The following COL13A1 variants were observed in gnomAD, a reference collection of about 807,000 sequenced individuals.
COL13A1 encodes the protein collagen alpha-1(XIII) chain.
Under a neutral mutation model 130.9 loss-of-function variants are expected in COL13A1, and 89 were observed. The observed-to-expected ratio is 0.68, with a 90% CI of 0.57 to 0.81. The LOEUF (loss-of-function observed/expected upper bound fraction) is 0.81, where lower values mean the gene tolerates loss of function less well. Ranked by LOEUF, COL13A1 falls within the 30% of genes least tolerant of loss-of-function variation. COL13A1 has a pLI of 0.00. For missense variants in COL13A1, 879 were observed against 934.6 expected (o/e 0.94, Z 0.78); for synonymous variants, 402 against 341.6 (o/e 1.18, Z -1.95).
At chr10:69,824,642 C>T (rs757583312) in intron 2 of COL13A1, among the ~76,000 whole-genome samples, 1 of 152,072 alleles carries the variant, frequency 6.6e-6, no homozygotes, top group Non-Finnish European at 1.5e-5. Flanking sequence ...GGAGGAAACA[C>T]CATGGGGAGA....
intron 1 of COL13A1, among the ~76,000 whole-genome samples, chr10:69,816,596 C>T (rs969194122): frequency 1.3e-5 from 2 of 152,052 alleles, no homozygotes; most frequent in Non-Finnish European, 2.9e-5. Context: ...CTGTGACTTC[C>T]AACATTTAGA....
At chr10:69,880,113 T>A (rs2134297273) in intron 6 of COL13A1, among the ~76,000 whole-genome samples, 1 of 152,040 alleles carries the variant, frequency 6.6e-6, no homozygotes, top group Non-Finnish European at 1.5e-5. Context: ...CTCCCCTCTC[T>A]CCCTGTGTCT....
Position 69,924,963 on chromosome 10 carries a change from G to C in COL13A1, c.1285G>C (p.Gly429Arg). The C allele has an allele frequency of 6.3e-7, 1 of 1,589,816 alleles. No homozygotes were observed. The highest frequency in any genetic ancestry group is 8.6e-7 in the Non-Finnish European group (1 of 1,168,638). The change falls in exon 25 of 41, where the codon GGG (glycine) becomes CGG (arginine). Residue 429 changes from glycine (G) to arginine (R), a missense_variant and splice_region_variant. Physicochemically the swap from Gly to Arg is moderately radical, Grantham distance 125 (BLOSUM62 -2). Transcript: ENST00000645393. Reference protein sequence around the residue: ...VGPPGQPGDKGERGAAGEQGP... With the variant: ...VGPPGQPGDKRERGAAGEQGP... Reference sequence around the variant, plus strand: ...TTGCTCCAATTTTGTCATGCAACAGGGGGAGCGTGGAGCAGCTGGAGAACA... The same window carrying C: ...TTGCTCCAATTTTGTCATGCAACAGCGGGAGCGTGGAGCAGCTGGAGAACA...
intron 21 of COL13A1, 89 bp downstream of exon 21, chr10:69,919,816 G>A (rs1403753105): frequency 4.5e-5 from 18 of 398,242 alleles, no homozygotes; most frequent in Non-Finnish European, 7.5e-5. Flanking sequence ...CTGGTGTGTC[G>A]CCTGCAGCGT....
At position 69,930,543 on chromosome 10, in the gene COL13A1, A is replaced by T; in HGVS notation, c.1674A>T (p.Ala558=). ...EKGEKGETGQ[A]GSPGEKGEAG... is the part of the protein sequence containing the mutation. ...GGGAAAAAGGGGAGACAGGACAAGC[A>T]GGCTCACCGGTGAGTGGCAGGGCTG... The change falls in exon 30 of 41, where the codon GCA becomes GCT. Residue 558 remains alanine, a synonymous_variant. Coordinates refer to ENST00000645393, the MANE Select transcript of COL13A1 (RefSeq NM_001368882.1). The T allele has an allele frequency of 6.2e-7, 1 of 1,613,280 alleles. No individual in the cohort carries two copies. The highest frequency in any genetic ancestry group is 8.5e-7 in the Non-Finnish European group (1 of 1,179,604).
chr10:69,817,402 A>T (rs1844847695), intron 1 of COL13A1, among the ~76,000 whole-genome samples: 1 of 151,406 alleles, frequency 6.6e-6, no homozygotes, highest in Non-Finnish European at 1.5e-5. Context: ...TCTCAAGGTC[A>T]TCAGTTGACA....
chr10:69,847,432 C>G (rs1441988788), intron 2 of COL13A1, among the ~76,000 whole-genome samples: 1 of 152,232 alleles, frequency 6.6e-6, no homozygotes, highest in African/African-American at 2.4e-5. Context: ...CTGTAAACAT[C>G]TCTTGCAGGA....
At chr10:69,879,288 A>G (rs1252912487) in intron 6 of COL13A1, 1 of 152,264 alleles carries the variant, frequency 6.6e-6, no homozygotes, top group African/African-American at 2.4e-5. Flanking sequence ...TAAACTGCCT[A>G]GGAGAAAGAC....
chr10:69,952,444 T>A (rs1422709438), intron 38 of COL13A1, among the ~76,000 whole-genome samples: 1 of 152,190 alleles, frequency 6.6e-6, no homozygotes, highest in Non-Finnish European at 1.5e-5. Context: ...CAAAATCACC[T>A]TGCCTCCTAA....
chr10:69,826,306 C>A (rs1039590311), intron 2 of COL13A1, among the ~76,000 whole-genome samples: 1 of 152,172 alleles, frequency 6.6e-6, no homozygotes, highest in Admixed American at 6.5e-5. Flanking sequence ...GAATGGCTAG[C>A]TCAGCTGCTG....
intron 1 of COL13A1, among the ~76,000 whole-genome samples, chr10:69,812,290 C>T (rs1430833047): frequency 1.3e-5 from 2 of 151,252 alleles, no homozygotes; most frequent in African/African-American, 4.9e-5. Context: ...GACTCTGGAA[C>T]CCGATTGCTG....
At chr10:69,881,807 A>G (rs1294047025) in intron 7 of COL13A1, among the ~76,000 whole-genome samples, 2 of 152,218 alleles carry the variant, frequency 1.3e-5, no homozygotes, top group East Asian at 1.9e-4. Context: ...ACTCCATGAC[A>G]TAGGGACTGT....
Position 69,902,794 on chromosome 10 carries a change from G to T in COL13A1, c.797G>T (p.Gly266Val). The change falls in exon 15 of 41, where the codon GGC (glycine) becomes GTC (valine). Residue 266 changes from glycine (G) to valine (V), a missense_variant. Gly to Val is a moderately radical substitution (Grantham distance 109). This residue lies in a region of COL13A1 where 715 missense variants were observed against 721.0 expected (regional missense o/e 0.99). Transcript: ENST00000645393. ...ATCCAAGGTCCACCAGGGCCCCCAG[G>T]CCCCCCTGGACCAAGTGGACCTCTG... ...ASIQGPPGPP[G>V]PPGPSGPLGH... 1.3e-6 allele frequency: 2 copies of T among 1,554,128 alleles called. No homozygotes were observed. The highest frequency in any genetic ancestry group is 1.7e-6 in the Non-Finnish European group (2 of 1,148,562).
chr10:69,838,853 C>T lies in COL13A1; in HGVS notation c.364+16415C>T, dbSNP rs542227545. On this transcript the variant is annotated intron_variant, in intron 2 of 40. Transcript: ENST00000645393. ...GTGGCCCTGAGTCTCTGGGCCTCAG[C>T]TCCCATTTTGTAAAATGAGCCTGAG... Among the ~76,000 whole-genome samples, 54 of 152,380 alleles carry T rather than the reference C, an allele frequency of 3.5e-4. No homozygotes were observed. In the South Asian group the frequency reaches 0.011, roughly 31 times the overall value.
chr10:69,898,891 C>A, intron 14 of COL13A1, 129 bp downstream of exon 14: 2 of 645,624 alleles, frequency 3.1e-6, no homozygotes, highest in Non-Finnish European at 5.2e-6. Context: ...AATAGGCCCA[C>A]GTATACCATA....
chr10:69,823,842 G>A (rs1238817990), intron 2 of COL13A1, among the ~76,000 whole-genome samples: 4 of 152,196 alleles, frequency 2.6e-5, no homozygotes, highest in Non-Finnish European at 5.9e-5. Context: ...GTCTGGGAAA[G>A]CTTTCAGGAG....
intron 1 of COL13A1, among the ~76,000 whole-genome samples, chr10:69,809,720 T>C (rs2132201945): frequency 6.6e-6 from 1 of 152,362 alleles, no homozygotes; most frequent in South Asian, 2.1e-4. Flanking sequence ...CCAGAGGCAG[T>C]GTTTACTGAA....
intron 17 of COL13A1, among the ~76,000 whole-genome samples, chr10:69,913,298 C>G (rs1394509039): frequency 2.0e-5 from 3 of 152,158 alleles, no homozygotes; most frequent in Non-Finnish European, 2.9e-5. Context: ...GCTGAGAGCC[C>G]CCAGGGGAAC....
rs755387933 is a variant in COL13A1, at chr10:69,895,574, C to T, written c.682C>T (p.Arg228Trp). 19 of 1,613,760 alleles carry T rather than the reference C, an allele frequency of 1.2e-5. No homozygotes were observed. Among genetic ancestry groups the T allele is most frequent in the Middle Eastern group, 1.6e-4 (1 of 6,084 alleles). Residue 228 changes from arginine to tryptophan, a missense_variant and splice_region_variant, in exon 13 of 41, where the codon CGG becomes TGG. This residue lies in a region of COL13A1 where 715 missense variants were observed against 721.0 expected (regional missense o/e 0.99). Coordinates refer to ENST00000645393, the MANE Select transcript of COL13A1 (RefSeq NM_001368882.1). Reference protein sequence around the residue: ...EKGQCGEYPHRLLPLLNSVRL... With the variant: ...EKGQCGEYPHWLLPLLNSVRL... ...GGGTCAGTGTGGAGAGTACCCACACCGGGTAAGTGAACCCCTAAAATTTAG... is the reference window on the plus strand; with the variant it reads ...GGGTCAGTGTGGAGAGTACCCACACTGGGTAAGTGAACCCCTAAAATTTAG...
Sources: allele counts gnomAD v4.1 joint callset (sites outside exome capture counted in the v4.1 genomes callset), GRCh38; gene constraint gnomAD v4.1.1; regional missense constraint gnomAD v4.1.1; transcripts MANE v1.5; gene names NCBI Gene and HGNC (gene_info 2026-07-23, HGNC 2026-07-21).